ABCC4: variants seen among roughly 807,000 people sequenced by gnomAD.
The protein encoded by ABCC4 is ATP-binding cassette sub-family C member 4.
ABCC4 carries 102 observed loss-of-function variants against 168.5 expected under a neutral mutation model. The observed-to-expected ratio is 0.61, with a 90% CI of 0.52 to 0.71. The LOEUF is 0.71. Among genes scored for constraint, ABCC4 ranks in the 30% least tolerant of loss-of-function variants. The pLI is 0.00. For missense variants in ABCC4, 1,402 were observed against 1,605.8 expected (o/e 0.87, Z 2.17); for synonymous variants, 617 against 590.7 (o/e 1.04, Z -0.65).
At chr13:95,088,574 T>C (rs1402185635) in intron 20 of ABCC4, among the ~76,000 whole-genome samples, 1 of 152,182 alleles carries the variant, frequency 6.6e-6, no homozygotes, top group Non-Finnish European at 1.5e-5. Flanking sequence ...ATTAGAAATG[T>C]AACTAGAAAT....
intron 1 of ABCC4, among the ~76,000 whole-genome samples, chr13:95,276,484 G>C: frequency 6.7e-6 from 1 of 148,200 alleles, no homozygotes; most frequent in East Asian, 2.0e-4. Flanking sequence ...ACTAGCCTAG[G>C]CGACAGAGTG....
At chr13:95,274,689 C>T (rs1371413727) in intron 1 of ABCC4, among the ~76,000 whole-genome samples, 1 of 152,142 alleles carries the variant, frequency 6.6e-6, no homozygotes, top group Non-Finnish European at 1.5e-5. Flanking sequence ...ACATGCTTCC[C>T]GTCTCTAAGA....
chr13:95,227,654 G>A (rs1393854355), intron 4 of ABCC4, among the ~76,000 whole-genome samples: 1 of 152,224 alleles, frequency 6.6e-6, no homozygotes, highest in African/African-American at 2.4e-5. Context: ...CAAAAGATTA[G>A]TTTGAGCCAT....
chr13:95,167,968 G>A (rs975269112), intron 14 of ABCC4, among the ~76,000 whole-genome samples: 4 of 152,160 alleles, frequency 2.6e-5, no homozygotes, highest in Admixed American at 2.6e-4. Flanking sequence ...CCAGGTTCAA[G>A]TGATTCTCCT....
intron 19 of ABCC4, among the ~76,000 whole-genome samples, chr13:95,132,945 G>A (rs2036021422): frequency 6.6e-6 from 1 of 152,026 alleles, no homozygotes; most frequent in Non-Finnish European, 1.5e-5. Context: ...TGTTTAATGG[G>A]TCCTGGGTTT....
At position 95,209,421 on chromosome 13, in the gene ABCC4, G is replaced by A. The variant is rs764204412; in HGVS notation, c.785+13C>T. On this transcript the variant is annotated intron_variant, in intron 6 of 30. Transcript: ENST00000645237. ...AATACATATGACATTTTTCACAGCAGTATTTCTCTTACCTCAGTGATGAGA... is the reference window on the plus strand; with the variant it reads ...AATACATATGACATTTTTCACAGCAATATTTCTCTTACCTCAGTGATGAGA... 1 of 1,612,532 alleles carries A rather than the reference G, an allele frequency of 6.2e-7. No homozygotes were observed. Among genetic ancestry groups the A allele is most frequent in the East Asian group, 2.2e-5 (1 of 44,874 alleles).
chr13:95,150,826 C>T (rs72643613), intron 19 of ABCC4, among the ~76,000 whole-genome samples: 11,415 of 152,292 alleles, frequency 0.075, 553 homozygotes, highest in South Asian at 0.14. Context: ...CCCCCAGTGG[C>T]TCAGAAAAGC....
chr13:95,156,012 A>G (rs1183368603), intron 19 of ABCC4, among the ~76,000 whole-genome samples: 3 of 152,358 alleles, frequency 2.0e-5, no homozygotes, highest in South Asian at 2.1e-4. Flanking sequence ...CTTTCTCTGC[A>G]AACTCATGCT....
At chr13:95,159,401 T>C (rs1416560074) in intron 19 of ABCC4, among the ~76,000 whole-genome samples, 1 of 152,054 alleles carries the variant, frequency 6.6e-6, no homozygotes, top group African/African-American at 2.4e-5. Flanking sequence ...AAAGTCATGC[T>C]AATAGATATA....
In ABCC4 at chr13:95,269,431, AAAAATATAT is replaced by A. The variant is rs769728776; in HGVS notation, c.75-21687_75-21679del. On this transcript the variant is annotated intron_variant, in intron 1 of 30. Coordinates refer to ENST00000645237, the MANE Select transcript of ABCC4 (RefSeq NM_005845.5). ...ACACAGCGAGACTCCATCTCAAAAAAAAAATATATATATATATATATATATATACACACA... is the reference window on the plus strand; with the variant it reads ...ACACAGCGAGACTCCATCTCAAAAAAATATATATATATATATATACACACA... The A allele has an allele frequency of 4.9e-3, 843 of 172,524 alleles. 10 individuals carry two copies. The highest frequency in any genetic ancestry group is 0.027 in the African/African-American group (613 of 22,574). The allele number at this position is 172,524 out of a possible 1,614,324, so 10.7% of individuals were successfully genotyped here. A position where few individuals can be genotyped will look rare whatever the true frequency, so the allele number is the denominator to read the frequency against.
At chr13:95,151,544 G>GC in intron 19 of ABCC4, among the ~76,000 whole-genome samples, 1 of 110,924 alleles carries the variant, frequency 9.0e-6, no homozygotes, top group Non-Finnish European at 1.7e-5. Context: ...AATGAAGAAG[G>GC]AAGGAGGAGG....
At chr13:95,145,865 CAT>C (rs761792503) in intron 19 of ABCC4, among the ~76,000 whole-genome samples, 9 of 152,154 alleles carry the variant, frequency 5.9e-5, no homozygotes, top group South Asian at 2.1e-4. Flanking sequence ...CCAAATATCA[CAT>C]GTTTTCACTT....
intron 8 of ABCC4, among the ~76,000 whole-genome samples, chr13:95,195,956 T>C (rs533216460): frequency 2.0e-5 from 3 of 152,232 alleles, no homozygotes; most frequent in South Asian, 4.1e-4. Flanking sequence ...TTTTCCTTAG[T>C]CAATGTCCCC....
chr13:95,096,812 G>A (rs1279580130), intron 20 of ABCC4, among the ~76,000 whole-genome samples: 2 of 152,138 alleles, frequency 1.3e-5, no homozygotes. Flanking sequence ...AGTTCTTCAG[G>A]CTTAAGGAAA....
At chr13:95,219,219 A>G (rs758361894) in intron 4 of ABCC4, among the ~76,000 whole-genome samples, 1 of 152,224 alleles carries the variant, frequency 6.6e-6, no homozygotes, top group African/African-American at 2.4e-5. Context: ...AAGACCCCTC[A>G]GCCCCAGACC....
chr13:95,047,248 C>A lies in ABCC4; in HGVS notation c.3457-2810G>T, dbSNP rs7988112. On this transcript the variant is annotated intron_variant, in intron 27 of 30. Transcript: ENST00000645237. ...TATGAGTCCTGCCTGGCTCTGCCAA[C>A]TGGGCAAGTTCCTGAACTTTCTCTA... 3.7e-3 allele frequency among the ~76,000 whole-genome samples: 557 copies of A among 152,288 alleles called. 3 individuals are homozygous for A. The highest frequency in any genetic ancestry group is 0.012 in the African/African-American group (516 of 41,566).
chr13:95,262,232 A>G (rs2138854291), intron 1 of ABCC4, among the ~76,000 whole-genome samples: 1 of 152,330 alleles, frequency 6.6e-6, no homozygotes, highest in Middle Eastern at 3.4e-3. Context: ...GTGACAAACA[A>G]GAGGACTGAG....
intron 27 of ABCC4, among the ~76,000 whole-genome samples, chr13:95,049,567 G>A (rs545053744): frequency 6.6e-6 from 1 of 152,080 alleles, no homozygotes; most frequent in African/African-American, 2.4e-5. Context: ...CTTGGACCCG[G>A]GAGGCGGAGG....
intron 19 of ABCC4, among the ~76,000 whole-genome samples, chr13:95,155,134 A>G (rs1490680334): frequency 6.6e-6 from 1 of 152,038 alleles, no homozygotes; most frequent in Non-Finnish European, 1.5e-5. Flanking sequence ...AGTTCAAACC[A>G]CTACCACCCT....
Sources: gnomAD v4.1 joint callset for allele counts (sites outside exome capture counted in the v4.1 genomes callset) on GRCh38, gnomAD v4.1.1 for gene constraint, MANE v1.5 for transcripts, NCBI Gene and HGNC (gene_info 2026-07-23, HGNC 2026-07-21) for gene names.